Variants in NMNAT2 observed in about 807,000 individuals in gnomAD.
NMNAT2 encodes nicotinamide/nicotinic acid mononucleotide adenylyltransferase 2.
NMNAT2 carries 11 observed loss-of-function variants against 41.6 expected under a neutral mutation model. The observed-to-expected ratio is 0.26, with a 90% CI of 0.17 to 0.44. The LOEUF is 0.44. NMNAT2 is among the 20% of genes least tolerant of loss of function. The pLI is 1.00. For synonymous variants in NMNAT2, 148 were observed against 151.2 expected, an observed-to-expected ratio of 0.98 and a Z score of 0.16; for missense variants, 288 against 407.7, an observed-to-expected ratio of 0.71 and a Z score of 2.53.
chr1:183,258,850 GACCA>G (rs1410181890), intron 10 of NMNAT2, among the ~76,000 whole-genome samples: 2 of 152,184 alleles, frequency 1.3e-5, no homozygotes. Flanking sequence ...TTTCATCTCT[GACCA>G]ATCCGCACTC....
chr1:183,379,085 TA>T (rs1557894322), intron 1 of NMNAT2, among the ~76,000 whole-genome samples: 11 of 147,598 alleles, frequency 7.5e-5, no homozygotes, highest in African/African-American at 2.8e-4. Flanking sequence ...TCTATATCTA[TA>T]TCTATAATCT....
At chr1:183,335,095 A>G (rs1228931909) in intron 1 of NMNAT2, among the ~76,000 whole-genome samples, 2 of 152,206 alleles carry the variant, frequency 1.3e-5, no homozygotes, top group African/African-American at 4.8e-5. Context: ...CCTTACAGGT[A>G]TCTCCTCATT....
chr1:183,277,659 C>T (rs114232563), intron 8 of NMNAT2, among the ~76,000 whole-genome samples: 64 of 152,130 alleles, frequency 4.2e-4, no homozygotes, highest in Non-Finnish European at 8.5e-4. Flanking sequence ...TAAATGTACA[C>T]GAACATATTT....
Position 183,251,855 on chromosome 1 carries a change from T to TTGCTGCTGCTGCTGC in NMNAT2, c.*771_*785dup. 6 of 163,302 alleles carry TTGCTGCTGCTGCTGC rather than the reference T, an allele frequency of 3.7e-5. 1 individual carries two copies. The highest frequency in any genetic ancestry group is 1.9e-4 in the East Asian group (1 of 5,310). The allele number at this position is 163,302 out of a possible 1,614,324, so 10.1% of individuals were successfully genotyped here. A position where few individuals can be genotyped will look rare whatever the true frequency, so the allele number is the denominator to read the frequency against. Reference sequence around the variant, plus strand: ...CGAAAATCTCACTCCTGATCAAAGGTTGCTGCTGCTGCTGCTGCTGCTGCT... The same window carrying TTGCTGCTGCTGCTGC: ...CGAAAATCTCACTCCTGATCAAAGGTTGCTGCTGCTGCTGCTGCTGCTGCTGCTGCTGCTGCTGCT... On this transcript the variant is annotated 3_prime_UTR_variant, in exon 11 of 11. Transcript: ENST00000287713.
In NMNAT2 at chr1:183,248,449, A is replaced by G. The variant is rs904600121; in HGVS notation, c.*4192T>C. The stretch of plus-strand genomic sequence containing the variant: ...ATGTGATCAAAAAGCGATTCAAAAA[A>G]GCTTCCCCCTCCTCATGCCAACCCT... On this transcript the variant is annotated 3_prime_UTR_variant, in exon 11 of 11. Coordinates refer to ENST00000287713, the MANE Select transcript of NMNAT2 (RefSeq NM_015039.4). 1 of 152,636 alleles carries G rather than the reference A, an allele frequency of 6.6e-6. No homozygotes were observed. Among genetic ancestry groups the G allele is most frequent in the African/African-American group, 2.4e-5 (1 of 41,446 alleles). The allele number at this position is 152,636 out of a possible 1,614,324, so 9.5% of individuals were successfully genotyped here. A position where few individuals can be genotyped will look rare whatever the true frequency, so the allele number is the denominator to read the frequency against.
intron 1 of NMNAT2, among the ~76,000 whole-genome samples, chr1:183,390,636 C>T (rs754997201): frequency 5.3e-5 from 8 of 152,266 alleles, no homozygotes; most frequent in East Asian, 1.9e-4. Flanking sequence ...ACTCATGCTT[C>T]GGATGCCTGG....
chr1:183,259,074 C>T (rs545087699), intron 10 of NMNAT2, among the ~76,000 whole-genome samples: 494 of 152,204 alleles, frequency 3.2e-3, no homozygotes, highest in African/African-American at 0.012. Context: ...GTGGTTACAC[C>T]CTGACCTTGC....
At chr1:183,255,147 T>C (rs935440872) in intron 10 of NMNAT2, among the ~76,000 whole-genome samples, 1 of 152,242 alleles carries the variant, frequency 6.6e-6, no homozygotes, top group Admixed American at 6.5e-5. Flanking sequence ...AATCCAGTTT[T>C]TCCAGCACCA....
chr1:183,417,418 A>C (rs553724786), intron 1 of NMNAT2, among the ~76,000 whole-genome samples: 136 of 152,114 alleles, frequency 8.9e-4, no homozygotes, highest in Admixed American at 1.9e-3. Flanking sequence ...TCCGAGTGCC[A>C]TCGCCACCCT....
chr1:183,257,675 T>C (rs1660554132), intron 10 of NMNAT2, among the ~76,000 whole-genome samples: 1 of 152,198 alleles, frequency 6.6e-6, no homozygotes, highest in Non-Finnish European at 1.5e-5. Context: ...TCATAATAAT[T>C]CCTTATGATC....
intron 1 of NMNAT2, among the ~76,000 whole-genome samples, chr1:183,328,596 A>T (rs1242980106): frequency 6.6e-6 from 1 of 152,238 alleles, no homozygotes; most frequent in East Asian, 1.9e-4. Flanking sequence ...AGGAGCTAGC[A>T]ATCCTCCTGG....
intron 1 of NMNAT2, among the ~76,000 whole-genome samples, chr1:183,416,636 G>C (rs777846190): frequency 5.1e-4 from 78 of 152,124 alleles, no homozygotes; most frequent in Non-Finnish European, 1.0e-3. Flanking sequence ...CTGAAGGAAT[G>C]GTGAAGAAGG....
Position 183,278,605 on chromosome 1 carries a change from C to T in NMNAT2, c.599G>A (p.Gly200Asp). Residue 200 changes from glycine (G) to aspartate (D), a missense_variant, in exon 8 of 11, where the codon GGT becomes GAT. Gly to Asp is a moderately conservative substitution (Grantham distance 94, BLOSUM62 -1). Around this residue, in one of 3 missense-constraint regions of NMNAT2, gnomAD observed 181 missense variants for 213.7 expected, o/e 0.85. Transcript: ENST00000287713. Reference sequence around the variant, plus strand: ...GCAGAAGGACTCCAGCAGGTCACTACCACACAGCAGCAGGATCCGTAGCTC... The same window carrying T: ...GCAGAAGGACTCCAGCAGGTCACTATCACACAGCAGCAGGATCCGTAGCTC... ...EIELRILLLC[G>D]SDLLESFCIP... The T allele has an allele frequency of 6.2e-7, 1 of 1,613,814 alleles. No homozygotes were observed.
intron 1 of NMNAT2, among the ~76,000 whole-genome samples, chr1:183,361,474 T>C (rs186492888): frequency 6.6e-6 from 1 of 152,314 alleles, no homozygotes; most frequent in East Asian, 1.9e-4. Context: ...AGACTAATAC[T>C]GCATGAGTGA....
intron 1 of NMNAT2, among the ~76,000 whole-genome samples, chr1:183,317,307 G>A (rs1252212450): frequency 1.3e-5 from 2 of 152,138 alleles, no homozygotes; most frequent in Non-Finnish European, 2.9e-5. Flanking sequence ...TTTGAGACAG[G>A]GTCTGTCACC....
At chr1:183,262,492 C>T (rs1660687599) in intron 8 of NMNAT2, among the ~76,000 whole-genome samples, 1 of 152,090 alleles carries the variant, frequency 6.6e-6, no homozygotes, top group Admixed American at 6.5e-5. Context: ...CATTTTCTTA[C>T]ATTGTTAAAA....
chr1:183,262,307 GAAA>G, intron 8 of NMNAT2, among the ~76,000 whole-genome samples: 1 of 143,790 alleles, frequency 7.0e-6, no homozygotes, highest in East Asian at 2.0e-4. Flanking sequence ...AGAGAATCCA[GAAA>G]AAAAAAAAAA....
intron 8 of NMNAT2, among the ~76,000 whole-genome samples, chr1:183,270,519 G>C (rs947655113): frequency 2.6e-5 from 4 of 151,412 alleles, no homozygotes; most frequent in African/African-American, 9.7e-5. Flanking sequence ...TTTCCAGGAT[G>C]GCCCTCTTAA....
Position 183,418,161 on chromosome 1 carries a change from A to G in NMNAT2, c.85+22T>C, listed in dbSNP as rs200051214. ...AAGGAGAGGAGCGGAAGCGGCTTCCAGAGGTGGGCGGGAGGACTCACCAAA... is the reference window on the plus strand; with the variant it reads ...AAGGAGAGGAGCGGAAGCGGCTTCCGGAGGTGGGCGGGAGGACTCACCAAA... On this transcript the variant is annotated intron_variant, in intron 1 of 10. Coordinates refer to ENST00000287713, the MANE Select transcript of NMNAT2 (RefSeq NM_015039.4). 3.8e-4 allele frequency: 618 copies of G among 1,608,982 alleles called. 2 individuals carry two copies. In the African/African-American group the frequency reaches 7.3e-3, roughly 19 times the overall value.
Sources: gnomAD v4.1 joint callset for allele counts (sites outside exome capture counted in the v4.1 genomes callset) on GRCh38, gnomAD v4.1.1 for gene constraint, gnomAD v4.1.1 regional missense constraint, MANE v1.5 for transcripts, NCBI Gene and HGNC (gene_info 2026-07-23, HGNC 2026-07-21) for gene names.